The following CWH43 variants were observed in gnomAD, a reference collection of about 807,000 sequenced individuals.
CWH43 encodes the protein PGAP2-interacting protein.
Under a neutral mutation model 85.7 loss-of-function variants are expected in CWH43, and 91 were observed. The observed-to-expected ratio is 1.06, with a 90% CI of 0.90 to 1.26. The LOEUF (loss-of-function observed/expected upper bound fraction) is 1.26. Ranked by LOEUF, CWH43 falls within the 50% of genes most tolerant of loss-of-function variation. The pLI, the probability that CWH43 is intolerant of heterozygous loss-of-function variation, is 0.00. For synonymous variants in CWH43, 323 were observed against 293.6 expected, an observed-to-expected ratio of 1.10 and a Z score of -1.02; for missense variants, 869 against 839.2, an observed-to-expected ratio of 1.04 and a Z score of -0.44.
Position 49,034,700 on chromosome 4 carries a change from G to A in CWH43, c.1658+1985G>A, listed in dbSNP as rs569704471. Among the ~76,000 whole-genome samples the A allele has an allele frequency of 1.2e-3, 184 of 152,308 alleles. 1 individual carries two copies. Among genetic ancestry groups the A allele is most frequent in the Non-Finnish European group, 2.1e-3 (144 of 68,020 alleles). On this transcript the variant is annotated intron_variant, in intron 12 of 15. Transcript: ENST00000226432. ...CATGGGATTCCAGAACCTGGAATCAGACAATCTGGTTTGAAATCTAATTCA... is the reference window on the plus strand; with the variant it reads ...CATGGGATTCCAGAACCTGGAATCAAACAATCTGGTTTGAAATCTAATTCA...
intron 15 of CWH43, among the ~76,000 whole-genome samples, chr4:49,054,925 A>G (rs1784906598): frequency 6.6e-6 from 1 of 151,878 alleles, no homozygotes; most frequent in African/African-American, 2.4e-5. Context: ...AGGGATATAT[A>G]TATATATATA....
At chr4:48,994,485 A>G in intron 4 of CWH43, 134 bp from the exon 5 acceptor site, 2 of 687,868 alleles carry the variant, frequency 2.9e-6, no homozygotes, top group Non-Finnish European at 5.0e-6. Context: ...TTGTAGTTGC[A>G]TGTCTCATCT....
At chr4:48,996,207 T>G (rs1782807380) in intron 5 of CWH43, among the ~76,000 whole-genome samples, 3 of 152,118 alleles carry the variant, frequency 2.0e-5, no homozygotes, top group Admixed American at 2.0e-4. Flanking sequence ...TCTCTGTGAA[T>G]TATTCTGTTA....
chr4:48,988,656 A>G lies in CWH43; in HGVS notation c.223A>G (p.Ile75Val), dbSNP rs1168940097. ...NKKWMLTLLR[I>V]ITIGSIASFQ... ...GAAGTGGATGCTAACCCTGCTGAGG[A>G]TAATCACTATTGGTAAGATTTAAAA... is the stretch of plus-strand genomic sequence containing the variant. Residue 75 changes from isoleucine (I) to valine (V), a missense_variant, in exon 2 of 16, where the codon ATA becomes GTA. Around this residue, in one of 3 missense-constraint regions of CWH43, gnomAD observed 140 missense variants for 122.6 expected, o/e 1.14. Coordinates refer to ENST00000226432, the MANE Select transcript of CWH43 (RefSeq NM_025087.3). 8.1e-6 allele frequency: 13 copies of G among 1,600,538 alleles called. No individual in the cohort carries two copies. Among genetic ancestry groups the G allele is most frequent in the Non-Finnish European group, 1.1e-5 (13 of 1,174,070 alleles).
At chr4:49,012,232 A>G (rs897879575) in intron 8 of CWH43, among the ~76,000 whole-genome samples, 2 of 152,140 alleles carry the variant, frequency 1.3e-5, no homozygotes, top group East Asian at 1.9e-4. Flanking sequence ...TTGATCTTCA[A>G]TCACTGATAT....
At chr4:49,018,302 A>T (rs1783625325) in intron 9 of CWH43, among the ~76,000 whole-genome samples, 1 of 151,968 alleles carries the variant, frequency 6.6e-6, no homozygotes, top group Non-Finnish European at 1.5e-5. Flanking sequence ...TGATCTGGTC[A>T]CCCCCAGGCC....
chr4:49,010,767 T>C (rs1783331648), intron 8 of CWH43, among the ~76,000 whole-genome samples: 1 of 152,214 alleles, frequency 6.6e-6, no homozygotes, highest in Non-Finnish European at 1.5e-5. Flanking sequence ...TTGTTCGGTT[T>C]CCAGGTAGTT....
intron 6 of CWH43, among the ~76,000 whole-genome samples, chr4:48,999,831 G>C (rs1782933041): frequency 6.6e-6 from 1 of 152,092 alleles, no homozygotes; most frequent in African/African-American, 2.4e-5. Context: ...GTCCATGTCT[G>C]CTTACTCAAA....
chr4:49,037,112 T>C (rs138088284), intron 12 of CWH43, among the ~76,000 whole-genome samples: 67 of 152,336 alleles, frequency 4.4e-4, no homozygotes, highest in Non-Finnish European at 3.5e-4. Flanking sequence ...GTTTCTGTTT[T>C]CCTGGCTGGA....
chr4:49,047,634 A>C (rs565114068), intron 14 of CWH43, among the ~76,000 whole-genome samples: 1 of 151,992 alleles, frequency 6.6e-6, no homozygotes, highest in Admixed American at 6.6e-5. Flanking sequence ...GGAGTGCTGC[A>C]TATGTTTGAG....
At position 48,988,510 on chromosome 4, in the gene CWH43, G is replaced by A. The variant is rs1448452094; in HGVS notation, c.77G>A (p.Gly26Glu). 1 of 1,608,032 alleles carries A rather than the reference G, an allele frequency of 6.2e-7. No individual in the cohort carries two copies. Among genetic ancestry groups the A allele is most frequent in the South Asian group, 1.1e-5 (1 of 89,480 alleles). Residue 26 changes from glycine (G) to glutamate (E), a missense_variant, in exon 2 of 16, where the codon GGA becomes GAA. By Grantham distance (98) the Gly-to-Glu change is moderately conservative. Around this residue, in one of 3 missense-constraint regions of CWH43, gnomAD observed 140 missense variants for 122.6 expected, o/e 1.14. Transcript: ENST00000226432. Reference sequence around the variant, plus strand: ...TCTTGGTCTCTCTACCATGACCTGGGACCGATGATCTATTACTTTCCTTTG... The same window carrying A: ...TCTTGGTCTCTCTACCATGACCTGGAACCGATGATCTATTACTTTCCTTTG... Reference protein sequence around the residue: ...CVSWSLYHDLGPMIYYFPLQT... With the variant: ...CVSWSLYHDLEPMIYYFPLQT...
intron 8 of CWH43, among the ~76,000 whole-genome samples, chr4:49,012,628 T>C (rs1408064792): frequency 2.0e-5 from 3 of 152,180 alleles, no homozygotes; most frequent in South Asian, 4.1e-4. Flanking sequence ...CTTTGGTCTT[T>C]GATGTTGGTG....
intron 8 of CWH43, 199 bp from the exon 9 acceptor site, chr4:49,017,050 C>T (rs1439491899): frequency 6.8e-6 from 5 of 740,690 alleles, no homozygotes; most frequent in South Asian, 1.4e-5. Context: ...ACCTCAGCGT[C>T]GGCTGGCACC....
chr4:49,017,774 C>T (rs1783604385), intron 9 of CWH43, among the ~76,000 whole-genome samples: 1 of 151,960 alleles, frequency 6.6e-6, no homozygotes, highest in Non-Finnish European at 1.5e-5. Context: ...GAAAGGCAAA[C>T]AGGGAGCTAG....
chr4:49,061,671 G>A (rs1055011270), intron 15 of CWH43, 141 bp from the exon 16 acceptor site: 2 of 688,288 alleles, frequency 2.9e-6, no homozygotes, highest in African/African-American at 3.6e-5. Context: ...TAAAATTTTA[G>A]TTTGCCTTTC....
chr4:49,046,252 G>T (rs556937640), intron 14 of CWH43, among the ~76,000 whole-genome samples: 1 of 152,222 alleles, frequency 6.6e-6, no homozygotes, highest in Admixed American at 6.5e-5. Flanking sequence ...AGTTTTGAAG[G>T]CAGTATTTGT....
intron 13 of CWH43, among the ~76,000 whole-genome samples, chr4:49,039,469 A>G (rs1464031997): frequency 1.4e-5 from 2 of 144,862 alleles, no homozygotes; most frequent in Non-Finnish European, 3.0e-5. Context: ...CAAATGAATT[A>G]ATTTAGAATG....
chr4:49,050,959 TC>T (rs1437817403), intron 15 of CWH43, 110 bp downstream of exon 15: 2 of 795,212 alleles, frequency 2.5e-6, no homozygotes, highest in African/African-American at 1.8e-5. Flanking sequence ...AGAGGTTTAT[TC>T]CAGGTAAGGG....
chr4:49,006,514 T>A (rs924868904), intron 7 of CWH43, among the ~76,000 whole-genome samples: 71 of 152,350 alleles, frequency 4.7e-4, no homozygotes, highest in Admixed American at 2.6e-3. Flanking sequence ...GACACCGCTG[T>A]TTTTGCTTGG....
Sources: gnomAD v4.1 joint callset for allele counts (sites outside exome capture counted in the v4.1 genomes callset) on GRCh38, gnomAD v4.1.1 for gene constraint, gnomAD v4.1.1 regional missense constraint, MANE v1.5 for transcripts, NCBI Gene and HGNC (gene_info 2026-07-23, HGNC 2026-07-21) for gene names.